ATAD2B: variants seen among roughly 807,000 people sequenced by gnomAD.
ATAD2B encodes the protein ATPase family AAA domain-containing protein 2B.
ATAD2B carries 40 observed loss-of-function variants against 167.6 expected under a neutral mutation model. The observed-to-expected ratio is 0.24, with a 90% confidence interval of 0.19 to 0.31. The LOEUF (loss-of-function observed/expected upper bound fraction) is 0.31. ATAD2B is among the 10% of genes least tolerant of loss of function. ATAD2B has a pLI of 1.00. For missense variants in ATAD2B, 1,242 were observed against 1,757.2 expected, an observed-to-expected ratio of 0.71 and a Z score of 5.24; for synonymous variants, 579 against 596.5, an observed-to-expected ratio of 0.97 and a Z score of 0.43.
At chr2:23,910,827 C>G (rs955484621) in intron 1 of ATAD2B, among the ~76,000 whole-genome samples, 1 of 151,898 alleles carries the variant, frequency 6.6e-6, no homozygotes, top group East Asian at 1.9e-4. Flanking sequence ...GGGGTCGCAC[C>G]ACTGCACTCC....
intron 18 of ATAD2B, among the ~76,000 whole-genome samples, chr2:23,805,917 T>G (rs1684317652): frequency 6.6e-6 from 1 of 152,158 alleles, no homozygotes; most frequent in Non-Finnish European, 1.5e-5. Flanking sequence ...TTTGCCAATT[T>G]TTATATTAGA....
chr2:23,878,010 C>CAAA lies in ATAD2B; in HGVS notation c.902-2109_902-2107dup, dbSNP rs1283016862. On this transcript the variant is annotated intron_variant, in intron 7 of 27. Coordinates refer to ENST00000238789, the MANE Select transcript of ATAD2B (RefSeq NM_017552.4). ...ACTCCAGCCTGGATGACCCTATCTC[C>CAAA]AAAGAAAAAAAAAAAAAAAAAAAAA... Among the ~76,000 whole-genome samples, 185 of 28,590 alleles carry CAAA rather than the reference C, an allele frequency of 6.5e-3. 42 individuals carry two copies. Among genetic ancestry groups the CAAA allele is most frequent in the East Asian group, 0.03 (23 of 756 alleles). 18.8% of individuals were successfully genotyped at this position (28,590 alleles called of 152,430 possible).
chr2:23,872,850 T>G, intron 8 of ATAD2B: 2 of 956,402 alleles, frequency 2.1e-6, no homozygotes, highest in Non-Finnish European at 3.4e-6. Context: ...GTGAAGCAGA[T>G]GTCAAACTCA....
the ATAD2B span, among the ~76,000 whole-genome samples, chr2:23,692,194 T>C: frequency 1.3e-5 from 2 of 152,236 alleles, no homozygotes; most frequent in Non-Finnish European, 2.9e-5. Flanking sequence ...GGGGAAAGGC[T>C]ATGGCCCTGG....
intron 8 of ATAD2B, 99 bp from the exon 9 acceptor site, chr2:23,869,860 A>G: frequency 1.3e-6 from 1 of 748,354 alleles, no homozygotes; most frequent in South Asian, 1.9e-5. Context: ...AAATTCATTC[A>G]GCAAATATTT....
intron 14 of ATAD2B, among the ~76,000 whole-genome samples, chr2:23,831,996 C>A (rs1286637276): frequency 6.6e-6 from 1 of 152,194 alleles, no homozygotes; most frequent in Non-Finnish European, 1.5e-5. Context: ...TGAACTAACA[C>A]ACTCCAATTA....
chr2:23,854,355 C>T (rs775860779), intron 13 of ATAD2B, among the ~76,000 whole-genome samples: 4 of 152,002 alleles, frequency 2.6e-5, no homozygotes, highest in Admixed American at 6.6e-5. Flanking sequence ...CAAACATTAA[C>T]GTAAAATGAA....
chr2:23,894,217 C>A (rs183710610), intron 2 of ATAD2B, among the ~76,000 whole-genome samples: 91 of 151,946 alleles, frequency 6.0e-4, no homozygotes, highest in African/African-American at 2.0e-3. Flanking sequence ...CACGGTGGCT[C>A]GTGCCTGTAA....
At chr2:23,901,772 G>A (rs1412671265) in intron 1 of ATAD2B, among the ~76,000 whole-genome samples, 1 of 152,040 alleles carries the variant, frequency 6.6e-6, no homozygotes, top group African/African-American at 2.4e-5. Flanking sequence ...ATGAAATAAA[G>A]TATGTAACAT....
intron 1 of ATAD2B, chr2:23,900,561 C>T (rs935308300): frequency 1.3e-5 from 2 of 152,238 alleles, no homozygotes; most frequent in Non-Finnish European, 2.9e-5. Context: ...TCAGGCTCCA[C>T]CCTCAGATCC....
rs199842019 is a variant in ATAD2B, at chr2:23,769,711, G to GATTTTTTTTTTTTTTTTTTTTTTTTTT, written c.3134-4084_3134-4083insAAAAAAAAAAAAAAAAAAAAAAAAAAT. Among the ~76,000 whole-genome samples, 2 of 129,836 alleles carry GATTTTTTTTTTTTTTTTTTTTTTTTTT rather than the reference G, an allele frequency of 1.5e-5. 1 individual carries two copies. Among genetic ancestry groups the GATTTTTTTTTTTTTTTTTTTTTTTTTT allele is most frequent in the Non-Finnish European group, 3.3e-5 (2 of 60,084 alleles). 85.2% of individuals were successfully genotyped at this position (129,836 alleles called of 152,430 possible). On this transcript the variant is annotated intron_variant, in intron 22 of 27. Transcript: ENST00000238789. Reference sequence around the variant, plus strand: ...AAGTGTTTAATGGTGTCTCACTGTGGGTTTTTTTTTTTTTTTTTTTTTGAG... The same window carrying GATTTTTTTTTTTTTTTTTTTTTTTTTT: ...AAGTGTTTAATGGTGTCTCACTGTGGATTTTTTTTTTTTTTTTTTTTTTTTTTGTTTTTTTTTTTTTTTTTTTTTGAG...
At chr2:23,728,777 A>G in the ATAD2B span, among the ~76,000 whole-genome samples, 1 of 152,236 alleles carries the variant, frequency 6.6e-6, no homozygotes, top group East Asian at 1.9e-4. Context: ...GAATTAAAAA[A>G]ATTCCAAATT....
At chr2:23,691,662 C>A in the ATAD2B span, 1 of 1,551,358 alleles carries the variant, frequency 6.4e-7, no homozygotes, top group South Asian at 1.2e-5. Context: ...ACACCCTGGT[C>A]TCTGTGCCTA....
intron 22 of ATAD2B, among the ~76,000 whole-genome samples, chr2:23,780,760 C>T (rs895675566): frequency 5.3e-5 from 8 of 151,948 alleles, no homozygotes; most frequent in Admixed American, 2.6e-4. Context: ...ATTAGCTGGG[C>T]GTAGTGGCAC....
At chr2:23,703,094 A>G in the ATAD2B span, 1 of 910,618 alleles carries the variant, frequency 1.1e-6, no homozygotes, top group South Asian at 2.7e-5. Flanking sequence ...GCTGAGGGCG[A>G]GGAGCAGATG....
chr2:23,840,374 G>A (rs886405837), intron 13 of ATAD2B, among the ~76,000 whole-genome samples: 2 of 151,966 alleles, frequency 1.3e-5, no homozygotes, highest in Admixed American at 1.3e-4. Context: ...CCAGAGGCTC[G>A]TCAGTTTTTT....
chr2:23,878,808 A>G (rs1697431890), intron 7 of ATAD2B, among the ~76,000 whole-genome samples: 1 of 152,214 alleles, frequency 6.6e-6, no homozygotes, highest in African/African-American at 2.4e-5. Context: ...TCCAGAACAT[A>G]TAAGGAATCT....
the ATAD2B span, chr2:23,708,573 GTTATA>G: frequency 5.3e-5 from 8 of 152,150 alleles, no homozygotes; most frequent in South Asian, 6.2e-4. Context: ...TTAAGTTCTT[GTTATA>G]TTATAATAAA....
At chr2:23,772,763 C>T (rs1371630749) in intron 22 of ATAD2B, among the ~76,000 whole-genome samples, 1 of 152,184 alleles carries the variant, frequency 6.6e-6, no homozygotes, top group African/African-American at 2.4e-5. Context: ...CAAGGTCTCA[C>T]TCTGTCACCC....
Sources: allele counts gnomAD v4.1 joint callset (sites outside exome capture counted in the v4.1 genomes callset), GRCh38; gene constraint gnomAD v4.1.1; transcripts MANE v1.5; gene names NCBI Gene and HGNC (gene_info 2026-07-23, HGNC 2026-07-21).